Variants in ERICH2 observed in about 807,000 individuals in gnomAD.
ERICH2 encodes the protein glutamate-rich protein 2.
In ERICH2, 17 loss-of-function variants were observed where a neutral mutation model predicts 17.4. The observed-to-expected ratio is 0.98, with a 90% CI of 0.67 to 1.47. ERICH2 has a LOEUF of 1.47. Among genes scored for constraint, ERICH2 ranks in the 40% most tolerant of loss-of-function variants. The probability of loss-of-function intolerance (pLI) is 0.00; values close to 1 mark genes in which losing one functional copy is unlikely to be tolerated. For synonymous variants in ERICH2, 51 were observed against 61.1 expected, an observed-to-expected ratio of 0.83 and a Z score of 0.77; for missense variants, 186 against 183.2, an observed-to-expected ratio of 1.01 and a Z score of -0.09.
upstream of ERICH2, chr2:170,779,687 G>GA (rs1700982577): frequency 3.5e-5 from 9 of 258,236 alleles, no homozygotes; most frequent in Non-Finnish European, 5.4e-5. Flanking sequence ...GACTGAGCTT[G>GA]AAAAAAAATT....
chr2:170,784,089 A>G (rs1285537375), intron 1 of ERICH2, among the ~76,000 whole-genome samples: 1 of 152,164 alleles, frequency 6.6e-6, no homozygotes, highest in Non-Finnish European at 1.5e-5. Context: ...TACACTATTT[A>G]GAGTAGCTCA....
intron 2 of ERICH2, among the ~76,000 whole-genome samples, chr2:170,787,386 T>C (rs889273800): frequency 6.6e-6 from 1 of 152,360 alleles, no homozygotes; most frequent in East Asian, 1.9e-4. Flanking sequence ...TAAGCTTTGT[T>C]AGGGAGCATC....
intron 4 of ERICH2, 127 bp from the exon 10 acceptor site, chr2:170,798,643 C>T: frequency 8.7e-7 from 1 of 1,148,168 alleles, no homozygotes; most frequent in Non-Finnish European, 1.2e-6. Context: ...TGCAGTTAGC[C>T]AAGTCCAACT....
At chr2:170,793,775 TC>T (rs1701346179) in intron 3 of ERICH2, among the ~76,000 whole-genome samples, 1 of 152,226 alleles carries the variant, frequency 6.6e-6, no homozygotes, top group Admixed American at 6.5e-5. Flanking sequence ...ACCTTATTTT[TC>T]TTTTTATCTT....
At chr2:170,781,516 C>T (rs1231715035), upstream of ERICH2, among the ~76,000 whole-genome samples, 1 of 151,902 alleles carries the variant, frequency 6.6e-6, no homozygotes, top group African/African-American at 2.4e-5. Flanking sequence ...CGCCTGTAAT[C>T]CCAGCTACTA....
the ERICH2 span, among the ~76,000 whole-genome samples, chr2:170,774,471 A>T: frequency 6.6e-6 from 1 of 152,046 alleles, no homozygotes; most frequent in African/African-American, 2.4e-5. Context: ...GGAAGAATGG[A>T]ATCTTAAAGA....
At chr2:170,797,919 G>T in intron 3 of ERICH2, 122 bp from the exon 9 acceptor site, 1 of 637,632 alleles carries the variant, frequency 1.6e-6, no homozygotes. Context: ...ATAATTGTTA[G>T]TGTTTATTGC....
intron 3 of ERICH2, among the ~76,000 whole-genome samples, chr2:170,793,726 AAC>A (rs1701345115): frequency 6.6e-6 from 1 of 152,190 alleles, no homozygotes; most frequent in South Asian, 2.1e-4. Context: ...GAGGTGGGAA[AAC>A]CACTGGAGGC....
chr2:170,783,999 T>C, intron 1 of ERICH2: 1 of 1,282,260 alleles, frequency 7.8e-7, no homozygotes, highest in Non-Finnish European at 1.1e-6. Context: ...TTTGTTGTTG[T>C]TGTTCTGTGT....
At chr2:170,779,132 CAG>C (rs887047129), upstream of ERICH2, among the ~76,000 whole-genome samples, 12 of 152,162 alleles carry the variant, frequency 7.9e-5, no homozygotes, top group African/African-American at 2.2e-4. Flanking sequence ...TGAAGGTAAA[CAG>C]GGCTAGTTCT....
At chr2:170,772,575 A>G in the ERICH2 span, among the ~76,000 whole-genome samples, 1 of 152,254 alleles carries the variant, frequency 6.6e-6, no homozygotes, top group Admixed American at 6.5e-5. Context: ...TCCTAGCACT[A>G]TATTACACTG....
At chr2:170,779,240 C>T (rs371354518), upstream of ERICH2, among the ~76,000 whole-genome samples, 4 of 152,274 alleles carry the variant, frequency 2.6e-5, no homozygotes, top group East Asian at 7.7e-4. Context: ...ATTTTTTCAG[C>T]ATAGCTTCCA....
chr2:170,786,480 G>A (rs1395099392), intron 2 of ERICH2, among the ~76,000 whole-genome samples: 1 of 152,016 alleles, frequency 6.6e-6, no homozygotes, highest in African/African-American at 2.4e-5. Flanking sequence ...GTGCCTAGGT[G>A]TGGTTTTCCT....
At chr2:170,793,361 T>C (rs1313453294) in intron 3 of ERICH2, among the ~76,000 whole-genome samples, 1 of 152,204 alleles carries the variant, frequency 6.6e-6, no homozygotes, top group Non-Finnish European at 1.5e-5. Flanking sequence ...CATTTGTGTC[T>C]AGTGTTAGAA....
the ERICH2 span, among the ~76,000 whole-genome samples, chr2:170,778,356 T>G: frequency 1.4e-4 from 21 of 152,312 alleles, no homozygotes; most frequent in East Asian, 1.2e-3. Context: ...TGGGGATTAC[T>G]GACAAATTAG....
intron 3 of ERICH2, among the ~76,000 whole-genome samples, chr2:170,796,823 G>T (rs1372190172): frequency 1.3e-5 from 2 of 152,056 alleles, no homozygotes; most frequent in Non-Finnish European, 2.9e-5. Flanking sequence ...TATTGAGCAG[G>T]AGTCACAATA....
At chr2:170,773,015 T>G in the ERICH2 span, among the ~76,000 whole-genome samples, 2 of 152,182 alleles carry the variant, frequency 1.3e-5, no homozygotes, top group African/African-American at 2.4e-5. Context: ...GGTGTTTTTG[T>G]TTTTTTGTTT....
chr2:170,793,273 A>AC (rs1256226621), intron 3 of ERICH2, among the ~76,000 whole-genome samples: 1 of 152,260 alleles, frequency 6.6e-6, no homozygotes. Context: ...TATCCCACAA[A>AC]CATTGAGTGC....
chr2:170,791,396 T>A (rs911440527), intron 2 of ERICH2, among the ~76,000 whole-genome samples: 2 of 151,992 alleles, frequency 1.3e-5, no homozygotes, highest in African/African-American at 2.4e-5. Context: ...AAGTGTCAGG[T>A]AGTACAGCAG....
Sources: gnomAD v4.1 joint callset for allele counts (sites outside exome capture counted in the v4.1 genomes callset) on GRCh38, gnomAD v4.1.1 for gene constraint, MANE v1.5 for transcripts, NCBI Gene and HGNC (gene_info 2026-07-23, HGNC 2026-07-21) for gene names.